Variants in VWA2 observed in about 807,000 individuals in gnomAD.
VWA2 encodes von Willebrand factor A domain containing 2.
Under a neutral mutation model 70.4 loss-of-function variants are expected in VWA2, and 73 were observed. The ratio of observed to expected loss-of-function variants is 1.04; its 90% CI spans 0.86 to 1.26. The LOEUF is 1.26. Ranked by LOEUF, VWA2 falls within the 50% of genes most tolerant of loss-of-function variation. The probability of loss-of-function intolerance (pLI) is 0.00; values close to 1 mark genes in which losing one functional copy is unlikely to be tolerated. For missense variants in VWA2, 1,011 were observed against 998.5 expected (o/e 1.01, Z -0.17); for synonymous variants, 407 against 423.3 (o/e 0.96, Z 0.47).
intron 2 of VWA2, among the ~76,000 whole-genome samples, chr10:114,250,272 T>C (rs2037168305): frequency 6.6e-6 from 1 of 152,262 alleles, no homozygotes; most frequent in Admixed American, 6.5e-5. Flanking sequence ...AGGGCGGGCA[T>C]GGCTCACGGT....
rs2036930932 is a variant in VWA2, at chr10:114,239,297, T to C, written c.-283T>C. ...CCGCTCGGAGGCTGGGTGACCCGCG[T>C]AGAAGTGAAGTACTTTTTTATTTGC... On this transcript the variant is annotated 5_prime_UTR_variant, in exon 1 of 14. Coordinates refer to ENST00000392982, the MANE Select transcript of VWA2 (RefSeq NM_001272046.2). The C allele has an allele frequency of 6.6e-6, 1 of 152,230 alleles. No homozygotes were observed. Among genetic ancestry groups the C allele is most frequent in the African/African-American group, 2.4e-5 (1 of 41,438 alleles). The allele number at this position is 152,230 out of a possible 1,614,324, so 9.4% of individuals were successfully genotyped here.
intron 2 of VWA2, among the ~76,000 whole-genome samples, chr10:114,253,004 A>G (rs2037230603): frequency 6.6e-6 from 1 of 151,126 alleles, no homozygotes; most frequent in Admixed American, 6.6e-5. Context: ...GACATTTACA[A>G]AGCATCTGAG....
Position 114,286,447 on chromosome 10 carries a change from T to C in VWA2, c.1506T>C (p.Asp502=), listed in dbSNP as rs2038911392. 1 of 1,611,044 alleles carries C rather than the reference T, an allele frequency of 6.2e-7. No individual in the cohort carries two copies. The highest frequency in any genetic ancestry group is 8.5e-7 in the Non-Finnish European group (1 of 1,178,434). Residue 502 remains aspartate (D), a synonymous_variant, in exon 11 of 14, where the codon GAT becomes GAC. Coordinates refer to ENST00000392982, the MANE Select transcript of VWA2 (RefSeq NM_001272046.2). ...CAAAGCATGTGATGGTCTACTCGGA[T>C]CCTCAGGATCTGTTCAACCAAATCC... is the stretch of plus-strand genomic sequence containing the variant. ...GSPKHVMVYS[D]PQDLFNQIPE...
intron 1 of VWA2, chr10:114,246,362 G>C: frequency 1.7e-6 from 1 of 589,886 alleles, no homozygotes; most frequent in Non-Finnish European, 3.0e-6. Context: ...TTAGCTGGGC[G>C]TGGTGGCGCA....
At chr10:114,287,182 C>A (rs201005934) in intron 11 of VWA2, among the ~76,000 whole-genome samples, 2 of 152,120 alleles carry the variant, frequency 1.3e-5, no homozygotes, top group Non-Finnish European at 2.9e-5. Flanking sequence ...AGCTGAAACA[C>A]GTCTTTTTTT....
At position 114,246,723 on chromosome 10, in the gene VWA2, G is replaced by A. The variant is rs143643305; in HGVS notation, c.-10-1981G>A. ...CAACTAGCAAACAGTCTTAGGAATC[G>A]TGCAGGGGGAGAAATCCTTGAACCA... On this transcript the variant is annotated intron_variant, in intron 1 of 13. Coordinates refer to ENST00000392982, the MANE Select transcript of VWA2 (RefSeq NM_001272046.2). 93 of 1,528,250 alleles carry A rather than the reference G, an allele frequency of 6.1e-5. No homozygotes were observed. In the African/African-American group the frequency reaches 6.3e-4, roughly 10 times the overall value. 94.7% of individuals were successfully genotyped at this position (1,528,250 alleles called of 1,614,324 possible).
chr10:114,288,387 G>T (rs2039168459), intron 11 of VWA2, among the ~76,000 whole-genome samples: 1 of 152,236 alleles, frequency 6.6e-6, no homozygotes, highest in African/African-American at 2.4e-5. Flanking sequence ...GGCCCATTTT[G>T]TCCATACAGC....
At chr10:114,241,706 T>C (rs974126175) in intron 1 of VWA2, among the ~76,000 whole-genome samples, 8 of 152,176 alleles carry the variant, frequency 5.3e-5, no homozygotes, top group Non-Finnish European at 1.2e-4. Context: ...TAATTTTTAC[T>C]GGGTAAATGA....
intron 4 of VWA2, among the ~76,000 whole-genome samples, chr10:114,256,932 ATT>A (rs1267719280): frequency 6.9e-6 from 1 of 144,232 alleles, no homozygotes; most frequent in African/African-American, 2.6e-5. Flanking sequence ...AAAAAAAAAA[ATT>A]AAGAGATGAT....
At chr10:114,286,613 G>GA in intron 11 of VWA2, 102 bp downstream of exon 11, 7 of 1,021,740 alleles carry the variant, frequency 6.9e-6, no homozygotes, top group Non-Finnish European at 9.7e-6. Flanking sequence ...CCTCTTCTAG[G>GA]GGCTGAAACC....
intron 5 of VWA2, among the ~76,000 whole-genome samples, chr10:114,269,330 C>G (rs2037654104): frequency 6.6e-6 from 1 of 152,184 alleles, no homozygotes; most frequent in South Asian, 2.1e-4. Context: ...CCTGTAATCC[C>G]AGCGCTTTGG....
intron 1 of VWA2, among the ~76,000 whole-genome samples, chr10:114,240,758 T>G (rs1175175532): frequency 6.6e-6 from 1 of 152,198 alleles, no homozygotes; most frequent in Non-Finnish European, 1.5e-5. Flanking sequence ...CATCCTCTCT[T>G]GTGACTGATG....
chr10:114,288,790 G>C (rs766773364), intron 11 of VWA2, 148 bp from the exon 12 acceptor site: 3 of 756,726 alleles, frequency 4.0e-6, no homozygotes, highest in Non-Finnish European at 6.4e-6. Context: ...CTGTTCTGTG[G>C]CTAAAAGGAA....
At chr10:114,269,010 C>T (rs1380413653) in intron 5 of VWA2, among the ~76,000 whole-genome samples, 1 of 146,392 alleles carries the variant, frequency 6.8e-6, no homozygotes, top group Non-Finnish European at 1.5e-5. Context: ...CCGCGCCCGG[C>T]CAAGCGGAGG....
At chr10:114,265,562 A>G (rs1472577500) in intron 5 of VWA2, among the ~76,000 whole-genome samples, 1 of 152,214 alleles carries the variant, frequency 6.6e-6, no homozygotes, top group African/African-American at 2.4e-5. Context: ...CTGCCAATCC[A>G]ATAGGCCCCA....
intron 2 of VWA2, among the ~76,000 whole-genome samples, chr10:114,249,839 C>A (rs2037158101): frequency 6.6e-6 from 1 of 152,190 alleles, no homozygotes; most frequent in African/African-American, 2.4e-5. Context: ...TAAAACTTTT[C>A]AGTGACTTTC....
chr10:114,279,805 G>A (rs1414137325), intron 8 of VWA2, among the ~76,000 whole-genome samples: 1 of 152,230 alleles, frequency 6.6e-6, no homozygotes, highest in Non-Finnish European at 1.5e-5. Context: ...TTAGAGGAGG[G>A]CATTGGAAAA....
Position 114,277,168 on chromosome 10 carries a change from C to CTTTTTTTTTTTT in VWA2, c.567-727_567-716dup. ...TCTAGATACATTACTGACTGCACGT[C>CTTTTTTTTTTTT]TTTTTTTTTTTTTTTTTTTTTTTTT... On this transcript the variant is annotated intron_variant, in intron 6 of 13. Transcript: ENST00000392982. Among the ~76,000 whole-genome samples the CTTTTTTTTTTTT allele has an allele frequency of 2.1e-4, 13 of 61,218 alleles. 2 individuals carry two copies. Among genetic ancestry groups the CTTTTTTTTTTTT allele is most frequent in the African/African-American group, 6.2e-4 (9 of 14,494 alleles). The allele number at this position is 61,218 out of a possible 152,430, so 40.2% of individuals were successfully genotyped here.
At chr10:114,248,147 C>T (rs1320090924) in intron 1 of VWA2, among the ~76,000 whole-genome samples, 5 of 150,470 alleles carry the variant, frequency 3.3e-5, no homozygotes, top group Non-Finnish European at 5.9e-5. Flanking sequence ...AGCCGGATTA[C>T]GATTTATAAA....
Sources: allele counts gnomAD v4.1 joint callset (sites outside exome capture counted in the v4.1 genomes callset), GRCh38; gene constraint gnomAD v4.1.1; transcripts MANE v1.5; gene names NCBI Gene and HGNC (gene_info 2026-07-23, HGNC 2026-07-21).